The following MCU variants were observed in gnomAD, a reference collection of about 807,000 sequenced individuals.
MCU encodes calcium uniporter protein, mitochondrial.
In MCU, 12 loss-of-function variants were observed where a neutral mutation model predicts 45.2. That is an observed-to-expected ratio of 0.27 (90% CI 0.17 to 0.43). The LOEUF (loss-of-function observed/expected upper bound fraction) is 0.43, where lower values mean the gene tolerates loss of function less well. MCU is among the 20% of genes least tolerant of loss of function. MCU has a pLI of 1.00. For synonymous variants in MCU, 160 were observed against 165.1 expected (o/e 0.97, Z 0.24); for missense variants, 324 against 436.7 (o/e 0.74, Z 2.30).
chr10:72,709,539 G>A (rs926484064), intron 1 of MCU, among the ~76,000 whole-genome samples: 3 of 151,960 alleles, frequency 2.0e-5, no homozygotes, highest in African/African-American at 7.3e-5. Context: ...GTGAATGCTG[G>A]TGCTAGACAC....
At chr10:72,774,397 C>T (rs1373388512) in intron 1 of MCU, among the ~76,000 whole-genome samples, 1 of 151,880 alleles carries the variant, frequency 6.6e-6, no homozygotes, top group Non-Finnish European at 1.5e-5. Context: ...AACCAGAGTA[C>T]AAAAACCTAT....
chr10:72,711,863 C>T (rs936729820), intron 1 of MCU, among the ~76,000 whole-genome samples: 1 of 151,490 alleles, frequency 6.6e-6, no homozygotes, highest in Non-Finnish European at 1.5e-5. Flanking sequence ...AGGCGCCCAC[C>T]ACCACTCCCA....
chr10:72,769,831 T>G (rs1843779102), intron 1 of MCU, among the ~76,000 whole-genome samples: 1 of 152,206 alleles, frequency 6.6e-6, no homozygotes, highest in African/African-American at 2.4e-5. Flanking sequence ...TTCTGTGGAT[T>G]TACCTACTGT....
chr10:72,721,468 C>T (rs1174910714), intron 1 of MCU, among the ~76,000 whole-genome samples: 2 of 152,294 alleles, frequency 1.3e-5, no homozygotes, highest in East Asian at 3.9e-4. Flanking sequence ...GTCTGACTCC[C>T]ATCTGCTGCC....
At chr10:72,740,879 G>A (rs1843318887) in intron 1 of MCU, among the ~76,000 whole-genome samples, 1 of 152,118 alleles carries the variant, frequency 6.6e-6, no homozygotes. Context: ...AATCTCATAG[G>A]CAAAGACTTC....
chr10:72,876,643 A>T (rs759837146), intron 6 of MCU, among the ~76,000 whole-genome samples: 3 of 152,184 alleles, frequency 2.0e-5, no homozygotes, highest in Non-Finnish European at 4.4e-5. Context: ...TCTCCTAGAA[A>T]ATTGAAGTTA....
chr10:72,859,049 T>G, intron 2 of MCU, 128 bp from the exon 3 acceptor site: 1 of 907,040 alleles, frequency 1.1e-6, no homozygotes, highest in Non-Finnish European at 1.6e-6. Context: ...AAGGGCATGT[T>G]CTTAAACCTT....
intron 1 of MCU, among the ~76,000 whole-genome samples, chr10:72,801,464 A>G (rs1007023902): frequency 6.6e-6 from 1 of 151,112 alleles, no homozygotes; most frequent in African/African-American, 2.4e-5. Context: ...TGGAGCTAAC[A>G]TTAGAACTTT....
At chr10:72,697,710 A>T (rs1842708299) in intron 1 of MCU, among the ~76,000 whole-genome samples, 1 of 152,152 alleles carries the variant, frequency 6.6e-6, no homozygotes, top group South Asian at 2.1e-4. Context: ...CTGGGATTAC[A>T]GGTGTGAGCC....
intron 2 of MCU, among the ~76,000 whole-genome samples, chr10:72,850,743 A>G (rs1845196127): frequency 6.6e-6 from 1 of 152,198 alleles, no homozygotes. Flanking sequence ...AGCTCTAAGT[A>G]TTCATGTTGA....
intron 1 of MCU, among the ~76,000 whole-genome samples, chr10:72,799,203 C>G (rs1218857933): frequency 6.6e-6 from 1 of 152,180 alleles, no homozygotes. Flanking sequence ...GGATTACAGG[C>G]GTGAGCCATC....
intron 1 of MCU, among the ~76,000 whole-genome samples, chr10:72,747,007 C>T (rs1368050639): frequency 6.6e-6 from 1 of 152,104 alleles, no homozygotes; most frequent in Non-Finnish European, 1.5e-5. Flanking sequence ...GAAATGTGAC[C>T]AAAACCAGCT....
intron 1 of MCU, among the ~76,000 whole-genome samples, chr10:72,815,430 A>G (rs1482377215): frequency 3.3e-5 from 5 of 152,258 alleles, no homozygotes; most frequent in African/African-American, 1.2e-4. Context: ...AATAATTGAT[A>G]TAGAACAATT....
chr10:72,751,338 CTTCTTTTTTTTTTTT>C (rs1029988283), intron 1 of MCU, among the ~76,000 whole-genome samples: 2 of 55,400 alleles, frequency 3.6e-5, no homozygotes, highest in African/African-American at 1.3e-4. Flanking sequence ...TCTTCTTCTT[CTTCTTTTTTTTTTTT>C]TTTTTTTTTT....
At chr10:72,803,991 T>C (rs1844380684) in intron 1 of MCU, among the ~76,000 whole-genome samples, 1 of 126,918 alleles carries the variant, frequency 7.9e-6, no homozygotes, top group Admixed American at 8.7e-5. Flanking sequence ...TGTAGGATCC[T>C]TCTCTTTGTT....
chr10:72,739,163 A>T (rs1008388076), intron 1 of MCU, among the ~76,000 whole-genome samples: 1 of 152,186 alleles, frequency 6.6e-6, no homozygotes, highest in African/African-American at 2.4e-5. Context: ...GAATTGAGAG[A>T]GTCTAGGTGT....
chr10:72,849,051 C>G (rs144856987), intron 2 of MCU, among the ~76,000 whole-genome samples: 2,269 of 151,900 alleles, frequency 0.015, 52 homozygotes, highest in African/African-American at 0.051. Context: ...GAGGCCGAGA[C>G]GGGTGGATCA....
At chr10:72,839,291 C>T (rs1227034887) in intron 2 of MCU, among the ~76,000 whole-genome samples, 5 of 152,098 alleles carry the variant, frequency 3.3e-5, no homozygotes, top group Non-Finnish European at 7.4e-5. Context: ...TGGCTGGCCA[C>T]AACAATCCAT....
chr10:72,782,113 A>G (rs542878853), intron 1 of MCU, among the ~76,000 whole-genome samples: 24 of 152,202 alleles, frequency 1.6e-4, no homozygotes, highest in African/African-American at 5.8e-4. Flanking sequence ...ACCATGACAC[A>G]CATTCAGATG....
Sources: allele counts gnomAD v4.1 joint callset (sites outside exome capture counted in the v4.1 genomes callset), GRCh38; gene constraint gnomAD v4.1.1; transcripts MANE v1.5; gene names NCBI Gene and HGNC (gene_info 2026-07-23, HGNC 2026-07-21).